KLHL32: variants seen among roughly 807,000 people sequenced by gnomAD.
The protein encoded by KLHL32 is kelch-like protein 32.
KLHL32 carries 35 observed loss-of-function variants against 64.8 expected under a neutral mutation model. The observed-to-expected ratio is 0.54, with a 90% CI of 0.41 to 0.72. KLHL32 has a LOEUF of 0.72. Among genes scored for constraint, KLHL32 ranks in the 30% least tolerant of loss-of-function variants. KLHL32 has a pLI of 0.00. For missense variants in KLHL32, 589 were observed against 768.5 expected (o/e 0.77, Z 2.76); for synonymous variants, 259 against 281.0 (o/e 0.92, Z 0.78).
At chr6:97,132,183 T>TTA (rs1405813808) in intron 9 of KLHL32, among the ~76,000 whole-genome samples, 2 of 152,170 alleles carry the variant, frequency 1.3e-5, no homozygotes, top group Admixed American at 1.3e-4. Flanking sequence ...TCTTCTGCCA[T>TTA]TTGTCTTCAT....
intron 6 of KLHL32, among the ~76,000 whole-genome samples, chr6:97,095,802 T>G (rs1794906869): frequency 6.6e-6 from 1 of 152,176 alleles, no homozygotes; most frequent in Non-Finnish European, 1.5e-5. Flanking sequence ...AGAGTGAGGA[T>G]GGATTTGGAA....
chr6:96,989,646 C>T (rs1777606647), intron 3 of KLHL32, among the ~76,000 whole-genome samples: 1 of 152,112 alleles, frequency 6.6e-6, no homozygotes, highest in Non-Finnish European at 1.5e-5. Flanking sequence ...ATGTTCACCT[C>T]TCTAATGAAA....
At chr6:96,992,536 A>C (rs190639973) in intron 3 of KLHL32, among the ~76,000 whole-genome samples, 1 of 152,166 alleles carries the variant, frequency 6.6e-6, no homozygotes, top group Non-Finnish European at 1.5e-5. Context: ...TTTGAATTTC[A>C]TTTTGGGAAA....
chr6:97,114,812 T>C (rs186659942), intron 7 of KLHL32, among the ~76,000 whole-genome samples: 1 of 152,338 alleles, frequency 6.6e-6, no homozygotes, highest in Admixed American at 6.5e-5. Context: ...TATTCATGGA[T>C]TGTATTGCAC....
At chr6:97,061,859 A>G (rs901954737) in intron 4 of KLHL32, among the ~76,000 whole-genome samples, 1 of 152,150 alleles carries the variant, frequency 6.6e-6, no homozygotes, top group Non-Finnish European at 1.5e-5. Flanking sequence ...CCCTGGAAAA[A>G]TATATTCGAA....
chr6:96,988,869 C>G (rs535618078), intron 3 of KLHL32, among the ~76,000 whole-genome samples: 3 of 152,224 alleles, frequency 2.0e-5, no homozygotes, highest in Admixed American at 6.5e-5. Context: ...AAACCAAACA[C>G]CGCATGTTCT....
At position 97,061,127 on chromosome 6, in the gene KLHL32, G is replaced by A. The variant is rs115087650; in HGVS notation, c.313-3501G>A. Among the ~76,000 whole-genome samples the A allele has an allele frequency of 5.8e-3, 888 of 152,214 alleles. 4 individuals carry two copies. The highest frequency in any genetic ancestry group is 0.018 in the African/African-American group (762 of 41,516). ...GTGTTCCACCACCTGGAGGTCAGGC[G>A]GGGAAAGAATCCTCTATACAGGTGG... On this transcript the variant is annotated intron_variant, in intron 4 of 10. Transcript: ENST00000369261.
intron 10 of KLHL32, among the ~76,000 whole-genome samples, chr6:97,135,263 G>C (rs1799861409): frequency 6.6e-6 from 1 of 151,142 alleles, no homozygotes; most frequent in African/African-American, 2.4e-5. Flanking sequence ...CCTTTGGCTG[G>C]CACACTGGTC....
chr6:96,927,187 A>C (rs1769267743), intron 1 of KLHL32, among the ~76,000 whole-genome samples: 1 of 152,232 alleles, frequency 6.6e-6, no homozygotes, highest in African/African-American at 2.4e-5. Context: ...ATAGTTTAGA[A>C]CTTATGTTCC....
intron 10 of KLHL32, among the ~76,000 whole-genome samples, chr6:97,137,381 G>A (rs1178337278): frequency 2.0e-5 from 3 of 152,224 alleles, no homozygotes; most frequent in Non-Finnish European, 4.4e-5. Flanking sequence ...TAGTGACAGG[G>A]TATATTGTTC....
intron 4 of KLHL32, among the ~76,000 whole-genome samples, chr6:97,054,802 A>G (rs1438411806): frequency 6.6e-6 from 1 of 152,186 alleles, no homozygotes; most frequent in Non-Finnish European, 1.5e-5. Flanking sequence ...GGCACAGCCC[A>G]AAGAATACAG....
chr6:96,954,483 T>C (rs1773031825), intron 1 of KLHL32, among the ~76,000 whole-genome samples: 1 of 152,054 alleles, frequency 6.6e-6, no homozygotes, highest in South Asian at 2.1e-4. Flanking sequence ...GTTGAGCCAT[T>C]TATTTGGGAA....
chr6:97,008,699 A>T (rs1779980096), intron 3 of KLHL32, among the ~76,000 whole-genome samples: 1 of 152,022 alleles, frequency 6.6e-6, no homozygotes, highest in African/African-American at 2.4e-5. Context: ...CTCCTTCCCC[A>T]GGAGACGCTG....
the KLHL32 span, among the ~76,000 whole-genome samples, chr6:96,909,947 T>G: frequency 2.0e-5 from 3 of 152,178 alleles, no homozygotes; most frequent in Admixed American, 1.3e-4. Context: ...TTTGCACTTT[T>G]CCACACATGT....
upstream of KLHL32, among the ~76,000 whole-genome samples, chr6:96,923,149 CTATT>C (rs1393554655): frequency 6.6e-6 from 1 of 152,126 alleles, no homozygotes; most frequent in Non-Finnish European, 1.5e-5. Context: ...AGTCTTTGCT[CTATT>C]TAATTATACT....
chr6:97,057,120 G>A (rs865797099), intron 4 of KLHL32, among the ~76,000 whole-genome samples: 1 of 150,636 alleles, frequency 6.6e-6, no homozygotes, highest in Non-Finnish European at 1.5e-5. Context: ...AATTAAACAG[G>A]CGTAAATCTA....
chr6:97,103,531 C>A (rs1245470589), intron 6 of KLHL32, among the ~76,000 whole-genome samples: 1 of 152,142 alleles, frequency 6.6e-6, no homozygotes, highest in East Asian at 1.9e-4. Flanking sequence ...GGATTCTAAC[C>A]AATATTACCT....
At chr6:96,936,951 A>G (rs1444566009) in intron 1 of KLHL32, among the ~76,000 whole-genome samples, 2 of 152,012 alleles carry the variant, frequency 1.3e-5, no homozygotes, top group African/African-American at 2.4e-5. Context: ...AATGAAGTCC[A>G]TTGTGATCAC....
At chr6:96,994,745 T>A (rs577817246) in intron 3 of KLHL32, 2 of 623,870 alleles carry the variant, frequency 3.2e-6, no homozygotes, top group African/African-American at 2.1e-5. Flanking sequence ...CAGATAATAA[T>A]GCTTTAAAAA....
Sources: allele counts gnomAD v4.1 joint callset (sites outside exome capture counted in the v4.1 genomes callset), GRCh38; gene constraint gnomAD v4.1.1; transcripts MANE v1.5; gene names NCBI Gene and HGNC (gene_info 2026-07-23, HGNC 2026-07-21).